The following TIMP2 variants were observed in gnomAD, a reference collection of about 807,000 sequenced individuals.
TIMP2 encodes TIMP metallopeptidase inhibitor 2.
In TIMP2, 5 loss-of-function variants were observed where a neutral mutation model predicts 24.3. That is an observed-to-expected ratio of 0.21 (90% CI 0.11 to 0.43). TIMP2 has a LOEUF of 0.43. Ranked by LOEUF, TIMP2 falls within the 20% of genes least tolerant of loss-of-function variation. TIMP2 has a pLI of 1.00. For missense variants in TIMP2, 221 were observed against 297.5 expected, an observed-to-expected ratio of 0.74 and a Z score of 1.89; for synonymous variants, 130 against 123.2, an observed-to-expected ratio of 1.06 and a Z score of -0.37.
rs1358820636 is a variant in TIMP2 at position 78,855,857 on chromosome 17, C to A, written c.473G>T (p.Arg158Leu). ...GATGTAGCACGGGATCATGGGGCAGCGCGTGATCTGGGGAGGGGCACACGG... is the reference window on the plus strand; with the variant it reads ...GATGTAGCACGGGATCATGGGGCAGAGCGTGATCTGGGGAGGGGCACACGG... The part of the protein sequence containing the change: ...YQMGCECKIT[R>L]CPMIPCYISS... Residue 158 changes from arginine to leucine, a missense_variant, in exon 5 of 5, where the codon CGC becomes CTC. Transcript: ENST00000262768. The surrounding 1 kb of genome is among the most constrained non-coding windows in gnomAD (Gnocchi z 6.0). 2 of 1,613,638 alleles carry A rather than the reference C, an allele frequency of 1.2e-6. No homozygotes were observed. Among genetic ancestry groups the A allele is most frequent in the East Asian group, 2.2e-5 (1 of 44,868 alleles).
intron 1 of TIMP2, among the ~76,000 whole-genome samples, chr17:78,906,400 A>G (rs1208427470): frequency 4.0e-5 from 6 of 151,576 alleles, no homozygotes; most frequent in African/African-American, 1.2e-4. Flanking sequence ...TTGAAGAAAT[A>G]AAAATAAAAA....
At chr17:78,893,160 G>GGT (rs545430208) in intron 1 of TIMP2, among the ~76,000 whole-genome samples, 280 of 144,326 alleles carry the variant, frequency 1.9e-3, no homozygotes, top group South Asian at 0.015. Flanking sequence ...TGTGTGCAGG[G>GGT]GTGTGTGTGC....
At chr17:78,856,373 C>G (rs1026746314) in intron 4 of TIMP2, 1 of 164,746 alleles carries the variant, frequency 6.1e-6, no homozygotes, top group Non-Finnish European at 1.3e-5. Context: ...AGGAGTTTCG[C>G]TTAACATACG....
intron 1 of TIMP2, among the ~76,000 whole-genome samples, chr17:78,888,645 C>T (rs1278852287): frequency 6.6e-6 from 1 of 152,000 alleles, no homozygotes; most frequent in Non-Finnish European, 1.5e-5. Context: ...AGGATAGGGT[C>T]TCCCCATGTT....
At chr17:78,902,507 G>A (rs142963029) in intron 1 of TIMP2, among the ~76,000 whole-genome samples, 1 of 152,294 alleles carries the variant, frequency 6.6e-6, no homozygotes, top group Non-Finnish European at 1.5e-5. Context: ...TTTTCCACCC[G>A]AATACTGGGG....
chr17:78,913,896 A>AC, intron 1 of TIMP2, among the ~76,000 whole-genome samples: 1 of 2,520 alleles, frequency 4.0e-4, no homozygotes, highest in South Asian at 0.024. Flanking sequence ...TGTCTCGGGG[A>AC]AAAAAAAAAA....
At chr17:78,857,899 C>T (rs1567990455) in intron 3 of TIMP2, among the ~76,000 whole-genome samples, 1 of 151,488 alleles carries the variant, frequency 6.6e-6, no homozygotes, top group Non-Finnish European at 1.5e-5. Context: ...ATGAAACCCC[C>T]TCTCTACTAA....
At chr17:78,880,423 C>A (rs2069769145) in intron 1 of TIMP2, among the ~76,000 whole-genome samples, 1 of 152,168 alleles carries the variant, frequency 6.6e-6, no homozygotes, top group African/African-American at 2.4e-5. Flanking sequence ...TGCAGTGGCT[C>A]ACACTTGTAA....
At chr17:78,882,524 G>A (rs907796199) in intron 1 of TIMP2, among the ~76,000 whole-genome samples, 1 of 152,336 alleles carries the variant, frequency 6.6e-6, no homozygotes, top group South Asian at 2.1e-4. Flanking sequence ...ATGTTTGTGT[G>A]TAACTAATCT....
At chr17:78,872,618 C>T (rs2069695502) in intron 2 of TIMP2, among the ~76,000 whole-genome samples, 1 of 152,140 alleles carries the variant, frequency 6.6e-6, no homozygotes, top group African/African-American at 2.4e-5. Flanking sequence ...TACTAAATGA[C>T]ATCATTTGCC....
chr17:78,866,117 A>G (rs565904488), intron 3 of TIMP2, among the ~76,000 whole-genome samples: 3 of 152,212 alleles, frequency 2.0e-5, no homozygotes, highest in Non-Finnish European at 4.4e-5. Context: ...AATAAATGCC[A>G]TAATTTTAAA....
At chr17:78,863,911 C>G (rs1235477052) in intron 3 of TIMP2, among the ~76,000 whole-genome samples, 1 of 152,180 alleles carries the variant, frequency 6.6e-6, no homozygotes, top group Non-Finnish European at 1.5e-5. Context: ...TCATCATCCC[C>G]CATGTACGGA....
chr17:78,881,116 C>T (rs2069776118), intron 1 of TIMP2, among the ~76,000 whole-genome samples: 1 of 152,228 alleles, frequency 6.6e-6, no homozygotes. Flanking sequence ...AAACCCGGCC[C>T]GATCATCTGC....
chr17:78,914,901 CTT>C (rs71161637), intron 1 of TIMP2, among the ~76,000 whole-genome samples: 3 of 138,548 alleles, frequency 2.2e-5, no homozygotes, highest in Non-Finnish European at 3.1e-5. Context: ...TGGGCTTTTT[CTT>C]TTTTTTTTTT....
intron 1 of TIMP2, among the ~76,000 whole-genome samples, chr17:78,894,208 C>T (rs1648748655): frequency 6.6e-6 from 1 of 152,020 alleles, no homozygotes; most frequent in African/African-American, 2.4e-5. Flanking sequence ...CCCCGGTTCA[C>T]AGACAGGGAA....
At chr17:78,870,141 C>T (rs1008139348) in intron 3 of TIMP2, among the ~76,000 whole-genome samples, 37 of 151,918 alleles carry the variant, frequency 2.4e-4, no homozygotes, top group Admixed American at 2.4e-3. Context: ...GTTGGCCGGG[C>T]GCGGTGGCTC....
Position 78,914,833 on chromosome 17 carries a change from C to T in TIMP2, c.130+10126G>A, listed in dbSNP as rs181669196. Among the ~76,000 whole-genome samples the T allele has an allele frequency of 5.9e-5, 9 of 152,004 alleles. No individual in the cohort carries two copies. In the East Asian group the frequency reaches 1.2e-3, roughly 20 times the overall value. On this transcript the variant is annotated intron_variant, in intron 1 of 4. Coordinates refer to ENST00000262768, the MANE Select transcript of TIMP2 (RefSeq NM_003255.5). ...AACTCCTGGGCTCAAGTGATCCTCCCGCCTCAGCCTCCCAAAGTGCTGGGA... is the reference window on the plus strand; with the variant it reads ...AACTCCTGGGCTCAAGTGATCCTCCTGCCTCAGCCTCCCAAAGTGCTGGGA...
chr17:78,867,868 G>A (rs1216873095), intron 3 of TIMP2, among the ~76,000 whole-genome samples: 1 of 152,092 alleles, frequency 6.6e-6, no homozygotes, highest in African/African-American at 2.4e-5. Context: ...CAAAGTGCTA[G>A]GATTACAGGC....
At chr17:78,920,000 T>C (rs1309652094) in intron 1 of TIMP2, among the ~76,000 whole-genome samples, 1 of 152,096 alleles carries the variant, frequency 6.6e-6, no homozygotes, top group Non-Finnish European at 1.5e-5. Context: ...TTCCTTCTTA[T>C]CTCCTCCTCC....
Sources: allele counts gnomAD v4.1 joint callset (sites outside exome capture counted in the v4.1 genomes callset), GRCh38; gene constraint gnomAD v4.1.1; non-coding constraint Gnocchi (gnomAD v3.1); transcripts MANE v1.5; gene names NCBI Gene and HGNC (gene_info 2026-07-23, HGNC 2026-07-21).